The following CCDC73 variants were observed in gnomAD, a reference collection of about 807,000 sequenced individuals.
CCDC73 encodes coiled-coil domain containing 73, also known as coiled-coil domain-containing protein 73.
In CCDC73, 95 loss-of-function variants were observed where a neutral mutation model predicts 116.5. That is an observed-to-expected ratio of 0.82 (90% CI 0.69 to 0.97). The LOEUF (loss-of-function observed/expected upper bound fraction) is 0.97. CCDC73 is among the 50% of genes least tolerant of loss of function. The pLI, the probability that CCDC73 is intolerant of heterozygous loss-of-function variation, is 0.00. For synonymous variants in CCDC73, 398 were observed against 401.3 expected (o/e 0.99, Z 0.10); for missense variants, 1,066 against 1,206.8 (o/e 0.88, Z 1.73).
intron 2 of CCDC73, among the ~76,000 whole-genome samples, chr11:32,725,706 G>A (rs1850024841): frequency 6.6e-6 from 1 of 152,116 alleles, no homozygotes; most frequent in African/African-American, 2.4e-5. Context: ...CTATAATTAG[G>A]TCACTTTCAT....
upstream of CCDC73, among the ~76,000 whole-genome samples, chr11:32,795,769 A>C (rs1296435944): frequency 1.3e-5 from 2 of 151,218 alleles, no homozygotes; most frequent in Non-Finnish European, 2.9e-5. Flanking sequence ...AGCTCACTGC[A>C]ACCTCCGCCT....
chr11:32,797,497 A>G (rs1426197605), upstream of CCDC73, among the ~76,000 whole-genome samples: 6 of 152,164 alleles, frequency 3.9e-5, no homozygotes, highest in African/African-American at 1.4e-4. Context: ...TCCAGTTCAC[A>G]GGTCCCCTCT....
intron 6 of CCDC73, among the ~76,000 whole-genome samples, chr11:32,691,401 T>C (rs930647172): frequency 6.6e-6 from 1 of 152,162 alleles, no homozygotes; most frequent in African/African-American, 2.4e-5. Flanking sequence ...GAATGTCATA[T>C]AGTTGGTGAG....
chr11:32,677,816 G>T (rs1163532663), intron 7 of CCDC73, among the ~76,000 whole-genome samples: 7 of 151,752 alleles, frequency 4.6e-5, no homozygotes, highest in South Asian at 4.2e-4. Context: ...GCCGGGCATG[G>T]TGATGCGCGC....
chr11:32,771,102 G>A (rs1421163816), intron 1 of CCDC73, among the ~76,000 whole-genome samples: 1 of 152,160 alleles, frequency 6.6e-6, no homozygotes, highest in Non-Finnish European at 1.5e-5. Flanking sequence ...AAGATTCATA[G>A]AAACCACAGA....
intron 2 of CCDC73, chr11:32,758,246 A>G: frequency 3.0e-6 from 1 of 337,866 alleles, no homozygotes; most frequent in Non-Finnish European, 6.0e-6. Flanking sequence ...TCATCCAGGG[A>G]TGGCATCTAG....
intron 17 of CCDC73, 27 bp downstream of exon 17, chr11:32,611,105 G>T: frequency 6.2e-7 from 1 of 1,611,438 alleles, no homozygotes; most frequent in Non-Finnish European, 8.5e-7. Context: ...ACTAAGGTCT[G>T]CTCGGCAATA....
intron 3 of CCDC73, among the ~76,000 whole-genome samples, chr11:32,708,491 G>A (rs1189205413): frequency 1.3e-5 from 2 of 152,118 alleles, no homozygotes; most frequent in Admixed American, 1.3e-4. Flanking sequence ...GGATGCTTTT[G>A]GCAATATGGT....
At chr11:32,784,116 G>C (rs1032784169) in intron 1 of CCDC73, among the ~76,000 whole-genome samples, 4 of 152,166 alleles carry the variant, frequency 2.6e-5, no homozygotes, top group African/African-American at 9.7e-5. Context: ...GATCACCTAA[G>C]GTCGGGAGTT....
chr11:32,623,943 A>G (rs1485208666), intron 14 of CCDC73, among the ~76,000 whole-genome samples: 2 of 152,212 alleles, frequency 1.3e-5, no homozygotes. Flanking sequence ...CTGACAAAGT[A>G]TTAAGAAGGC....
chr11:32,734,475 G>C (rs1015896805), intron 2 of CCDC73, among the ~76,000 whole-genome samples: 6 of 150,750 alleles, frequency 4.0e-5, no homozygotes, highest in African/African-American at 1.5e-4. Context: ...CTTGCACAGG[G>C]GGATTTGGCA....
At chr11:32,685,846 C>T (rs933327959) in intron 6 of CCDC73, among the ~76,000 whole-genome samples, 9 of 151,024 alleles carry the variant, frequency 6.0e-5, no homozygotes, top group Non-Finnish European at 1.2e-4. Flanking sequence ...CTCAGCCTCC[C>T]GAGTAGCTGG....
the CCDC73 span, among the ~76,000 whole-genome samples, chr11:32,804,292 C>G: frequency 1.3e-5 from 2 of 152,182 alleles, no homozygotes; most frequent in African/African-American, 2.4e-5. Context: ...GCGCACACCA[C>G]AACGCTCCGC....
intron 6 of CCDC73, among the ~76,000 whole-genome samples, chr11:32,686,209 CAAAAAA>C (rs34582756): frequency 1.8e-5 from 1 of 56,858 alleles, no homozygotes. Flanking sequence ...GAGGGAAAGC[CAAAAAA>C]AAAAAAAAAA....
intron 17 of CCDC73, among the ~76,000 whole-genome samples, chr11:32,610,452 G>T (rs908552239): frequency 1.2e-4 from 18 of 152,144 alleles, no homozygotes; most frequent in African/African-American, 4.3e-4. Flanking sequence ...GGATGTGTTA[G>T]TACTATAATA....
At chr11:32,795,382 G>T (rs888871078), upstream of CCDC73, among the ~76,000 whole-genome samples, 1 of 151,242 alleles carries the variant, frequency 6.6e-6, no homozygotes, top group Non-Finnish European at 1.5e-5. Context: ...GAGGCAAGAG[G>T]ATAGATTGAG....
intron 2 of CCDC73, among the ~76,000 whole-genome samples, chr11:32,747,398 T>C (rs1164053650): frequency 1.3e-5 from 2 of 152,098 alleles, no homozygotes; most frequent in East Asian, 1.9e-4. Context: ...AGGGACCCAT[T>C]TGAGGCAGTC....
At chr11:32,652,784 C>T (rs1855837862) in intron 12 of CCDC73, among the ~76,000 whole-genome samples, 1 of 152,068 alleles carries the variant, frequency 6.6e-6, no homozygotes, top group Admixed American at 6.5e-5. Flanking sequence ...ACTGAGTTGA[C>T]ACTTTCACCT....
intron 3 of CCDC73, among the ~76,000 whole-genome samples, chr11:32,717,835 G>A (rs754428727): frequency 2.0e-5 from 3 of 152,150 alleles, no homozygotes; most frequent in South Asian, 2.1e-4. Flanking sequence ...GATGGAAGGC[G>A]AAGGGGAAGC....
Sources: gnomAD v4.1 joint callset for allele counts (sites outside exome capture counted in the v4.1 genomes callset) on GRCh38, gnomAD v4.1.1 for gene constraint, MANE v1.5 for transcripts, NCBI Gene and HGNC (gene_info 2026-07-23, HGNC 2026-07-21) for gene names.